Variants in SYT1 observed in about 807,000 individuals in gnomAD.
The protein encoded by SYT1 is synaptotagmin-1.
SYT1 carries 8 observed loss-of-function variants against 44.8 expected under a neutral mutation model. That is an observed-to-expected ratio of 0.18 (90% CI 0.10 to 0.32). SYT1 has a LOEUF of 0.32. Among genes scored for constraint, SYT1 ranks in the 10% least tolerant of loss-of-function variants. SYT1 has a pLI of 1.00. For missense variants in SYT1, 286 were observed against 509.3 expected (o/e 0.56, Z 4.22); for synonymous variants, 154 against 188.8 (o/e 0.82, Z 1.51).
At chr12:79,240,912 C>T (rs1245801) in intron 4 of SYT1, among the ~76,000 whole-genome samples, 105,141 of 152,106 alleles carry the variant, frequency 0.69, 36,711 homozygotes, top group African/African-American at 0.73. Flanking sequence ...ATGGCTCACA[C>T]GTGTAATCCC....
At chr12:79,004,718 T>G (rs1016808488) in intron 2 of SYT1, among the ~76,000 whole-genome samples, 2 of 151,928 alleles carry the variant, frequency 1.3e-5, no homozygotes, top group Non-Finnish European at 2.9e-5. Context: ...CAGCTTCCTT[T>G]AAGTACTTTA....
At chr12:78,907,954 T>C (rs1260727146) in intron 1 of SYT1, among the ~76,000 whole-genome samples, 1 of 151,976 alleles carries the variant, frequency 6.6e-6, no homozygotes, top group Non-Finnish European at 1.5e-5. Flanking sequence ...AAAGTTTTTC[T>C]CCAAACATTT....
chr12:78,976,127 C>T (rs1311194468), intron 1 of SYT1, among the ~76,000 whole-genome samples: 1 of 152,144 alleles, frequency 6.6e-6, no homozygotes, highest in Non-Finnish European at 1.5e-5. Context: ...CACCATGACA[C>T]TTACCAATTT....
intron 3 of SYT1, among the ~76,000 whole-genome samples, chr12:79,184,859 T>G (rs1350494845): frequency 2.0e-5 from 3 of 152,078 alleles, no homozygotes; most frequent in Non-Finnish European, 4.4e-5. Context: ...GTATTTTAGA[T>G]TCACTGGGAA....
chr12:79,372,628 A>G (rs1304315681), intron 9 of SYT1, among the ~76,000 whole-genome samples: 2 of 152,208 alleles, frequency 1.3e-5, no homozygotes, highest in African/African-American at 4.8e-5. Flanking sequence ...GAAGGCTGAC[A>G]GTATTTCTGA....
At chr12:79,365,696 G>A (rs1018100452) in intron 9 of SYT1, among the ~76,000 whole-genome samples, 2 of 152,006 alleles carry the variant, frequency 1.3e-5, no homozygotes, top group African/African-American at 4.8e-5. Context: ...TTGCTGAGAA[G>A]TAAAATGTTA....
chr12:79,179,524 T>G (rs985579252), intron 3 of SYT1, among the ~76,000 whole-genome samples: 3,511 of 19,656 alleles, frequency 0.18, 127 homozygotes, highest in African/African-American at 0.39. Context: ...TATATCTATA[T>G]AGATATAGAT....
In SYT1 at chr12:79,449,094, A is replaced by G. The variant is rs750232538; in HGVS notation, c.1239A>G (p.Glu413=). The G allele has an allele frequency of 1.2e-6, 2 of 1,613,720 alleles. No individual in the cohort carries two copies. Among genetic ancestry groups the G allele is most frequent in the South Asian group, 2.2e-5 (2 of 91,006 alleles). The change falls in exon 11 of 11, where the codon GAA becomes GAG. Residue 413 remains glutamate, a synonymous_variant. Transcript: ENST00000261205. ...AQWHTLQVEE[E]VDAMLAVKK is the part of the protein sequence containing the mutation. ...GGCACACCCTGCAGGTAGAGGAGGAAGTTGATGCCATGCTGGCCGTCAAGA... is the reference window on the plus strand; with the variant it reads ...GGCACACCCTGCAGGTAGAGGAGGAGGTTGATGCCATGCTGGCCGTCAAGA...
chr12:79,349,026 AGAAAGAAAAAG>A (rs934010227), intron 8 of SYT1, among the ~76,000 whole-genome samples: 5 of 126,846 alleles, frequency 3.9e-5, no homozygotes, highest in Non-Finnish European at 8.3e-5. Flanking sequence ...AAAGAAAGAA[AGAAAGAAAAAG>A]AAAGAAAGAA....
At chr12:79,211,995 G>T (rs1367035255) in intron 3 of SYT1, among the ~76,000 whole-genome samples, 1 of 152,120 alleles carries the variant, frequency 6.6e-6, no homozygotes, top group African/African-American at 2.4e-5. Context: ...TATTTGTGAA[G>T]TTAAATTTTT....
chr12:78,872,467 C>G (rs966115111), intron 1 of SYT1, among the ~76,000 whole-genome samples: 2 of 151,640 alleles, frequency 1.3e-5, no homozygotes, highest in African/African-American at 4.8e-5. Flanking sequence ...CTGTATGCAT[C>G]GAAGCATATT....
At chr12:78,959,192 G>C (rs1461789090) in intron 1 of SYT1, among the ~76,000 whole-genome samples, 1 of 152,040 alleles carries the variant, frequency 6.6e-6, no homozygotes, top group Non-Finnish European at 1.5e-5. Context: ...TGAAATAAAA[G>C]ACTAAAACCT....
At chr12:79,350,815 G>T (rs1447678761) in intron 8 of SYT1, among the ~76,000 whole-genome samples, 1 of 152,074 alleles carries the variant, frequency 6.6e-6, no homozygotes, top group African/African-American at 2.4e-5. Context: ...AGTATAAATT[G>T]GATATTTTCC....
intron 8 of SYT1, among the ~76,000 whole-genome samples, chr12:79,300,463 G>A (rs1232892811): frequency 6.6e-6 from 1 of 152,000 alleles, no homozygotes; most frequent in Admixed American, 6.6e-5. Flanking sequence ...GGAGATCAGA[G>A]AGAACGTCAG....
intron 3 of SYT1, among the ~76,000 whole-genome samples, chr12:79,125,151 C>A (rs1868362532): frequency 6.6e-6 from 1 of 152,066 alleles, no homozygotes; most frequent in African/African-American, 2.4e-5. Context: ...TCTTAGGGCT[C>A]AGCAGATTGC....
intron 2 of SYT1, among the ~76,000 whole-genome samples, chr12:79,017,577 T>A (rs1294545554): frequency 6.6e-6 from 1 of 151,992 alleles, no homozygotes; most frequent in Admixed American, 6.6e-5. Flanking sequence ...AATTAGGAAA[T>A]CTAAAAGGGC....
At chr12:78,888,529 A>T in intron 1 of SYT1, among the ~76,000 whole-genome samples, 1 of 151,958 alleles carries the variant, frequency 6.6e-6, no homozygotes, top group East Asian at 1.9e-4. Flanking sequence ...ATTTAGAATT[A>T]AAAAGATGTT....
intron 1 of SYT1, among the ~76,000 whole-genome samples, chr12:78,912,287 T>A (rs566652353): frequency 2.0e-5 from 3 of 151,760 alleles, no homozygotes; most frequent in Non-Finnish European, 2.9e-5. Flanking sequence ...AGGCACTAGA[T>A]GATAAATAGA....
At chr12:79,330,917 G>A (rs983577626) in intron 8 of SYT1, among the ~76,000 whole-genome samples, 4 of 152,140 alleles carry the variant, frequency 2.6e-5, no homozygotes, top group African/African-American at 9.7e-5. Flanking sequence ...GGCACTCACT[G>A]TCTCTAAAAT....
Sources: allele counts gnomAD v4.1 joint callset (sites outside exome capture counted in the v4.1 genomes callset), GRCh38; gene constraint gnomAD v4.1.1; transcripts MANE v1.5; gene names NCBI Gene and HGNC (gene_info 2026-07-23, HGNC 2026-07-21).